CAD: variants seen among roughly 807,000 people sequenced by gnomAD.
The protein encoded by CAD is multifunctional protein CAD.
A neutral mutation model predicts 237.2 loss-of-function variants in CAD; 81 were observed. The ratio of observed to expected loss-of-function variants is 0.34; its 90% confidence interval spans 0.29 to 0.41. The LOEUF (loss-of-function observed/expected upper bound fraction) is 0.41, where lower values mean the gene tolerates loss of function less well. Ranked by LOEUF, CAD falls within the 10% of genes least tolerant of loss-of-function variation. The pLI, the probability that CAD is intolerant of heterozygous loss-of-function variation, is 1.00. For synonymous variants in CAD, 1,196 were observed against 1,162.8 expected (o/e 1.03, Z -0.58); for missense variants, 2,181 against 2,951.7 (o/e 0.74, Z 6.05).
In CAD at chr2:27,232,459, C is replaced by A; in HGVS notation, c.2657C>A (p.Ala886Asp). ...IALAVLSTEL[A>D]VRKLRQELGI... ...TTTTTCTATTTTAGCACAGAGCTGGCTGTTCGCAAGCTGCGTCAGGAACTG... is the reference window on the plus strand; with the variant it reads ...TTTTTCTATTTTAGCACAGAGCTGGATGTTCGCAAGCTGCGTCAGGAACTG... The change falls in exon 18 of 44, where the codon GCT becomes GAT. Residue 886 changes from alanine to aspartate, a missense_variant. By Grantham distance (126) the Ala-to-Asp change is moderately radical (BLOSUM62 -2). Coordinates refer to ENST00000264705, the MANE Select transcript of CAD (RefSeq NM_004341.5). The surrounding 1 kb of genome is among the most constrained non-coding windows in gnomAD (Gnocchi z 4.1). The A allele has an allele frequency of 6.2e-7, 1 of 1,614,234 alleles. No individual in the cohort carries two copies. Among genetic ancestry groups the A allele is most frequent in the Non-Finnish European group, 8.5e-7 (1 of 1,180,052 alleles).
rs1320645948 is a variant in CAD, at chr2:27,217,401, G to A, written c.-151G>A. The A allele has an allele frequency of 2.9e-6, 2 of 692,246 alleles. No homozygotes were observed. The highest frequency in any genetic ancestry group is 4.7e-5 in the Admixed American group (2 of 42,292). The allele number at this position is 692,246 out of a possible 1,614,324, so 42.9% of individuals were successfully genotyped here. On this transcript the variant is annotated 5_prime_UTR_variant, in exon 1 of 44. Transcript: ENST00000264705. ...GCTGCTGCCGCCAAGCGCGCCCGAGGCTCCTACGCTGCCGCGCCCGGCTTC... is the reference window on the plus strand; with the variant it reads ...GCTGCTGCCGCCAAGCGCGCCCGAGACTCCTACGCTGCCGCGCCCGGCTTC...
At chr2:27,220,826 CG>C (rs1675125052) in intron 2 of CAD, among the ~76,000 whole-genome samples, 1 of 151,938 alleles carries the variant, frequency 6.6e-6, no homozygotes, top group Non-Finnish European at 1.5e-5. Context: ...GGTGTGGTGG[CG>C]GGCGCCTGTA....
Position 27,242,744 on chromosome 2 carries a change from G to A in CAD, c.6347G>A (p.Arg2116Gln), listed in dbSNP as rs1676381483. The change falls in exon 41 of 44, where the codon CGG becomes CAG. Residue 2116 changes from arginine (R) to glutamine (Q), a missense_variant. This residue lies in a region of CAD where 170 missense variants were observed against 212.1 expected (regional missense o/e 0.80). Coordinates refer to ENST00000264705, the MANE Select transcript of CAD (RefSeq NM_004341.5). The surrounding 1 kb of genome is among the most constrained non-coding windows in gnomAD (Gnocchi z 6.4). ...PPSLRMPPTV[R>Q]AFVASRGTKQ... ...AGCCTGCGCATGCCACCCACTGTGC[G>A]GGCCTTCGTGGCCTCCCGCGGCACC... 3.1e-6 allele frequency: 5 copies of A among 1,614,172 alleles called. No homozygotes were observed. The highest frequency in any genetic ancestry group is 3.4e-6 in the Non-Finnish European group (4 of 1,180,040).
Position 27,225,851 on chromosome 2 carries a change from A to G in CAD, c.1767A>G (p.Leu589=), listed in dbSNP as rs775449243. ...APAFAHTSQV[L]VDKSLKGWKE... is the part of the protein sequence containing the mutation. ...CTTTTGCCCATACCAGCCAAGTGCTAGTAGACAAGTCTCTGAAGGGATGGA... is the reference window on the plus strand; with the variant it reads ...CTTTTGCCCATACCAGCCAAGTGCTGGTAGACAAGTCTCTGAAGGGATGGA... Residue 589 remains leucine (L), a synonymous_variant, in exon 12 of 44, where the codon CTA becomes CTG. Transcript: ENST00000264705. The G allele has an allele frequency of 3.1e-6, 5 of 1,614,210 alleles. No individual in the cohort carries two copies. The highest frequency in any genetic ancestry group is 2.5e-6 in the Non-Finnish European group (3 of 1,180,022).
intron 2 of CAD, among the ~76,000 whole-genome samples, chr2:27,220,100 C>CT (rs1284160294): frequency 2.6e-5 from 4 of 152,264 alleles, no homozygotes; most frequent in Admixed American, 2.0e-4. Flanking sequence ...GGAACCTCAT[C>CT]TTTTTTTGCT....
rs1234222382 is a variant in CAD at position 27,226,235 on chromosome 2, G to A, written c.1947G>A (p.Arg649=). The stretch of plus-strand genomic sequence containing the variant: ...ATGACAGGGAGTATCAGCTCCTGAG[G>A]CAGACAGCTATCAAGGTGACCCAGC... The part of the protein sequence containing the change: ...TLNDREYQLL[R]QTAIKVTQHL... The change falls in exon 13 of 44, where the codon AGG becomes AGA. Residue 649 remains arginine, a synonymous_variant. Coordinates refer to ENST00000264705, the MANE Select transcript of CAD (RefSeq NM_004341.5). 6.2e-7 allele frequency: 1 copy of A among 1,614,150 alleles called. No individual in the cohort carries two copies. Among genetic ancestry groups the A allele is most frequent in the South Asian group, 1.1e-5 (1 of 91,086 alleles).
intron 11 of CAD, 82 bp from the exon 12 acceptor site, chr2:27,225,622 CT>C: frequency 9.1e-7 from 1 of 1,097,472 alleles, no homozygotes; most frequent in Non-Finnish European, 1.4e-6. Flanking sequence ...ATGTTATTTT[CT>C]TTATATCTTT....
rs1321414225 is a variant in CAD at position 27,241,033 on chromosome 2, T to A, written c.5639-25T>A. 6.2e-7 allele frequency: 1 copy of A among 1,613,076 alleles called. No homozygotes were observed. Among genetic ancestry groups the A allele is most frequent in the East Asian group, 2.2e-5 (1 of 44,852 alleles). The stretch of plus-strand genomic sequence containing the variant: ...GGTAGGAGGAACCCTCTGACCAGCC[T>A]TTTCTGCCCCATCCCTCACTGCAGA... On this transcript the variant is annotated intron_variant, in intron 36 of 43. Coordinates refer to ENST00000264705, the MANE Select transcript of CAD (RefSeq NM_004341.5). The surrounding 1 kb of genome is among the most constrained non-coding windows in gnomAD (Gnocchi z 4.6).
In CAD at chr2:27,235,598, C is replaced by T; in HGVS notation, c.4032C>T (p.Ala1344=). Residue 1344 remains alanine (A), a synonymous_variant, in exon 25 of 44, where the codon GCC becomes GCT. Coordinates refer to ENST00000264705, the MANE Select transcript of CAD (RefSeq NM_004341.5). This position sits in a 1 kb window ranked among gnomAD's most constrained non-coding sequence, Gnocchi z 5.2. The stretch of plus-strand genomic sequence containing the variant: ...AGAGCCTGGGCTACAGCCTCTATGC[C>T]AGTCTCGGCACAGCTGACTTCTACA... ...LLESLGYSLY[A]SLGTADFYTE... is the part of the protein sequence containing the mutation. The T allele has an allele frequency of 1.2e-6, 2 of 1,614,180 alleles. No homozygotes were observed. Among genetic ancestry groups the T allele is most frequent in the South Asian group, 1.1e-5 (1 of 91,086 alleles).
chr2:27,219,891 T>C (rs922629260), intron 2 of CAD, among the ~76,000 whole-genome samples: 2 of 152,194 alleles, frequency 1.3e-5, no homozygotes, highest in African/African-American at 4.8e-5. Context: ...GCCTGGCCTT[T>C]TCTTTTTTAA....
chr2:27,218,157 C>G (rs1360486544), intron 2 of CAD, 141 bp downstream of exon 2: 2 of 696,964 alleles, frequency 2.9e-6, no homozygotes, highest in Non-Finnish European at 2.3e-6. Context: ...GGACTAAGAT[C>G]ACTAGTAACT....
chr2:27,219,104 T>A (rs1333233964), intron 2 of CAD, among the ~76,000 whole-genome samples: 1 of 152,182 alleles, frequency 6.6e-6, no homozygotes, highest in African/African-American at 2.4e-5. Flanking sequence ...GAGGCCTGAT[T>A]AGGATCAGGG....
At position 27,241,192 on chromosome 2, in the gene CAD, C is replaced by G. The variant is rs764043505; in HGVS notation, c.5773C>G (p.His1925Asp). 4 of 1,612,928 alleles carry G rather than the reference C, an allele frequency of 2.5e-6. No individual in the cohort carries two copies. In the Admixed American group the frequency reaches 5.0e-5, roughly 20 times the overall value. Residue 1925 changes from histidine (H) to aspartate (D), a missense_variant, in exon 37 of 44, where the codon CAT becomes GAT. Coordinates refer to ENST00000264705, the MANE Select transcript of CAD (RefSeq NM_004341.5). This position sits in a 1 kb window ranked among gnomAD's most constrained non-coding sequence, Gnocchi z 4.6. The stretch of plus-strand genomic sequence containing the variant: ...CCTGCTGCACTCATTAGTGGGCCAA[C>G]ATATCCTGTCCGTCCAGCAGTTCAC... Reference protein sequence around the residue: ...SPLLHSLVGQHILSVQQFTKD... With the variant: ...SPLLHSLVGQDILSVQQFTKD...
chr2:27,225,456 G>A (rs1458738627), intron 11 of CAD, among the ~76,000 whole-genome samples: 4 of 151,744 alleles, frequency 2.6e-5, no homozygotes, highest in South Asian at 2.1e-4. Flanking sequence ...ACTGGCATGC[G>A]CCACCATGCC....
At position 27,217,430 on chromosome 2, in the gene CAD, C is replaced by A; in HGVS notation, c.-122C>A. 1.2e-6 allele frequency: 1 copy of A among 867,244 alleles called. No individual in the cohort carries two copies. The highest frequency in any genetic ancestry group is 1.4e-5 in the South Asian group (1 of 69,748). The allele number at this position is 867,244 out of a possible 1,614,324, so 53.7% of individuals were successfully genotyped here. On this transcript the variant is annotated 5_prime_UTR_variant, in exon 1 of 44. Coordinates refer to ENST00000264705, the MANE Select transcript of CAD (RefSeq NM_004341.5). Reference sequence around the variant, plus strand: ...CTACGCTGCCGCGCCCGGCTTCTCTCCAGCGCCCCGCGCCGTTAGCCACGT... The same window carrying A: ...CTACGCTGCCGCGCCCGGCTTCTCTACAGCGCCCCGCGCCGTTAGCCACGT...
intron 30 of CAD, 37 bp downstream of exon 30, chr2:27,238,224 T>C: frequency 6.2e-7 from 1 of 1,608,130 alleles, no homozygotes; most frequent in East Asian, 2.2e-5. Flanking sequence ...TCCCTGTTGC[T>C]TTCCCAGTAA....
rs1251295289 is a variant in CAD, at chr2:27,226,494, A to G, written c.2032-31A>G. ...AGACCTCTCCTAGACAGGGTCTTCT[A>G]GGCCAGTGACTTTATTCTCCTTCTT... On this transcript the variant is annotated intron_variant, in intron 13 of 43. Coordinates refer to ENST00000264705, the MANE Select transcript of CAD (RefSeq NM_004341.5). 2.5e-6 allele frequency: 4 copies of G among 1,612,462 alleles called. No homozygotes were observed. In the Admixed American group the frequency reaches 5.0e-5, roughly 20 times the overall value.
intron 8 of CAD, 30 bp from the exon 9 acceptor site, chr2:27,224,315 A>G (rs778355912): frequency 2.5e-6 from 4 of 1,613,664 alleles, no homozygotes; most frequent in East Asian, 2.2e-5. Flanking sequence ...GCTCAGCTCT[A>G]ACATTCTACG....
In CAD at chr2:27,238,467, C is replaced by G. The variant is rs1246633595; in HGVS notation, c.4897C>G (p.Pro1633Ala). 1.2e-6 allele frequency: 2 copies of G among 1,603,180 alleles called. No individual in the cohort carries two copies. The highest frequency in any genetic ancestry group is 2.7e-5 in the African/African-American group (2 of 74,590). ...LIKAAKARGL[P>A]VTCEVAPHHL... is the part of the protein sequence containing the mutation. ...TAAAGCTGCAAAGGCACGGGGCTTG[C>G]CAGTGACCTGCGAGGTGGCTCCCCA... The change falls in exon 31 of 44, where the codon CCA (proline) becomes GCA (alanine). Residue 1633 changes from proline (P) to alanine (A), a missense_variant. Physicochemically the swap from Pro to Ala is conservative, Grantham distance 27. Transcript: ENST00000264705.
Sources: gnomAD v4.1 joint callset for allele counts (sites outside exome capture counted in the v4.1 genomes callset) on GRCh38, gnomAD v4.1.1 for gene constraint, gnomAD v4.1.1 regional missense constraint, Gnocchi (gnomAD v3.1) non-coding constraint, MANE v1.5 for transcripts, NCBI Gene and HGNC (gene_info 2026-07-23, HGNC 2026-07-21) for gene names.